ANK2: variants seen among roughly 807,000 people sequenced by gnomAD.
ANK2 encodes the protein ankyrin-2.
ANK2 carries 83 observed loss-of-function variants against 360.5 expected under a neutral mutation model. That is an observed-to-expected ratio of 0.23 (90% CI 0.19 to 0.28). ANK2 has a LOEUF of 0.28. Ranked by LOEUF, ANK2 falls within the 10% of genes least tolerant of loss-of-function variation. ANK2 has a pLI of 1.00. For synonymous variants in ANK2, 1,740 were observed against 1,759.5 expected (o/e 0.99, Z 0.28); for missense variants, 4,201 against 4,795.7 (o/e 0.88, Z 3.66).
At chr4:112,935,120 AGTGTGT>A (rs10601105) in intron 2 of ANK2, among the ~76,000 whole-genome samples, 1 of 148,856 alleles carries the variant, frequency 6.7e-6, no homozygotes, top group African/African-American at 2.5e-5. Flanking sequence ...AGTCAGAGAA[AGTGTGT>A]GTGTGTGTGT....
intron 45 of ANK2, 108 bp from the exon 46 acceptor site, chr4:113,381,349 A>T: frequency 8.2e-7 from 1 of 1,220,062 alleles, no homozygotes; most frequent in African/African-American, 1.5e-5. Context: ...CTGTGGAAAC[A>T]TCTAAAGGTA....
At chr4:112,948,657 A>G (rs1304471045) in intron 2 of ANK2, among the ~76,000 whole-genome samples, 1 of 152,198 alleles carries the variant, frequency 6.6e-6, no homozygotes, top group Non-Finnish European at 1.5e-5. Flanking sequence ...GTCATCTTAT[A>G]GCTTTTAAAT....
At chr4:113,225,258 T>C (rs1165959114) in intron 4 of ANK2, among the ~76,000 whole-genome samples, 1 of 152,174 alleles carries the variant, frequency 6.6e-6, no homozygotes, top group East Asian at 1.9e-4. Flanking sequence ...AGCAGCATTT[T>C]ATTCATGTTT....
In ANK2 at chr4:113,095,951, G is replaced by C. The variant is rs147837036; in HGVS notation, c.84+46139G>C. 6.9e-3 allele frequency among the ~76,000 whole-genome samples: 1,051 copies of C among 152,268 alleles called. 6 individuals are homozygous for C. The highest frequency in any genetic ancestry group is 0.024 in the African/African-American group (994 of 41,554). On this transcript the variant is annotated intron_variant, in intron 1 of 45. Transcript: ENST00000357077. ...TCCATGTCCCTCTGGTCTATCACCA[G>C]GCTCCACTGGGATACAAAGGTGCAT...
At position 112,925,663 on chromosome 4, in the gene ANK2, T is replaced by C. The variant is rs115402038; in HGVS notation, c.21+21149T>C. Among the ~76,000 whole-genome samples the C allele has an allele frequency of 5.2e-3, 798 of 152,346 alleles. 11 individuals are homozygous for C. Among genetic ancestry groups the C allele is most frequent in the Middle Eastern group, 0.01 (3 of 294 alleles). ...AAAATCAAAAGGTATAAGTATACTA[T>C]AAACATTTTCTGCCTACTTGAATGG... On this transcript the variant is annotated intron_variant, in intron 2 of 30. Transcript: ENST00000503271.
the ANK2 span, among the ~76,000 whole-genome samples, chr4:112,799,301 C>T: frequency 3.3e-5 from 5 of 152,080 alleles, no homozygotes; most frequent in African/African-American, 4.8e-5. Flanking sequence ...GACACCTGTT[C>T]GAGTGCCTGC....
chr4:113,236,752 A>C lies in ANK2; in HGVS notation c.484-235A>C, dbSNP rs111315818. ...ACATCCTGTATGTAATATGTTTGTTAAGGAATGCGGATGTTTTTCAAAATG... is the reference window on the plus strand; with the variant it reads ...ACATCCTGTATGTAATATGTTTGTTCAGGAATGCGGATGTTTTTCAAAATG... On this transcript the variant is annotated intron_variant, in intron 5 of 45. Transcript: ENST00000357077. Among the ~76,000 whole-genome samples, 64 of 152,336 alleles carry C rather than the reference A, an allele frequency of 4.2e-4. 1 individual carries two copies. The highest frequency in any genetic ancestry group is 1.5e-3 in the African/African-American group (63 of 41,586).
At chr4:112,986,040 AATATATAAAATT>A (rs1407003650) in intron 2 of ANK2, among the ~76,000 whole-genome samples, 15 of 147,612 alleles carry the variant, frequency 1.0e-4, no homozygotes, top group Non-Finnish European at 1.5e-4. Context: ...ATAAATATAA[AATATATAAAATT>A]ATATATAAAA....
the ANK2 span, among the ~76,000 whole-genome samples, chr4:112,738,295 C>T: frequency 6.6e-6 from 1 of 151,586 alleles, no homozygotes; most frequent in Non-Finnish European, 1.5e-5. Flanking sequence ...ACCTGCAATC[C>T]AAGCTACTCA....
At chr4:112,939,420 C>G (rs1348354592) in intron 2 of ANK2, among the ~76,000 whole-genome samples, 1 of 152,236 alleles carries the variant, frequency 6.6e-6, no homozygotes, top group East Asian at 1.9e-4. Context: ...AGCGATTCTC[C>G]TGTCTCAGCC....
At chr4:113,373,708 T>C (rs1359103642) in intron 45 of ANK2, 2 of 625,000 alleles carry the variant, frequency 3.2e-6, no homozygotes, top group South Asian at 1.5e-5. Flanking sequence ...TAATTCATGG[T>C]TGACCACTGC....
At chr4:113,037,268 T>A (rs2061813429) in intron 2 of ANK2, among the ~76,000 whole-genome samples, 1 of 151,950 alleles carries the variant, frequency 6.6e-6, no homozygotes, top group Admixed American at 6.6e-5. Flanking sequence ...TGTAAATCAA[T>A]GGACATAACT....
At chr4:113,192,973 G>A (rs2098694591) in intron 2 of ANK2, among the ~76,000 whole-genome samples, 1 of 147,534 alleles carries the variant, frequency 6.8e-6, no homozygotes, top group Non-Finnish European at 1.5e-5. Context: ...AGGGAGAAAA[G>A]ATCAGTGGCC....
intron 22 of ANK2, among the ~76,000 whole-genome samples, chr4:113,298,365 A>G (rs2073082532): frequency 6.6e-6 from 1 of 152,240 alleles, no homozygotes; most frequent in Non-Finnish European, 1.5e-5. Context: ...GGGCCTTAAA[A>G]GGTGGCATCA....
intron 1 of ANK2, among the ~76,000 whole-genome samples, chr4:113,096,524 C>A (rs1459305516): frequency 6.6e-6 from 1 of 152,112 alleles, no homozygotes; most frequent in East Asian, 1.9e-4. Flanking sequence ...AGCAGAATCA[C>A]AAAAAGTGGA....
chr4:113,252,050 A>G (rs2046741322), intron 10 of ANK2, among the ~76,000 whole-genome samples: 1 of 152,254 alleles, frequency 6.6e-6, no homozygotes, highest in African/African-American at 2.4e-5. Flanking sequence ...AAGAAGTTTA[A>G]TGGATTCACA....
rs112731826 is a variant in ANK2, at chr4:113,232,134, G to A, written c.385-27G>A. On this transcript the variant is annotated intron_variant, in intron 4 of 45. Coordinates refer to ENST00000357077, the MANE Select transcript of ANK2 (RefSeq NM_001148.6). ...TTCTCTCTTATACAAATGATTGAAG[G>A]TGTCTTTTTTTATTGCTTGTCCTCA... is the stretch of plus-strand genomic sequence containing the variant. 92 of 1,470,334 alleles carry A rather than the reference G, an allele frequency of 6.3e-5. No homozygotes were observed. In the African/African-American group the frequency reaches 1.1e-3, roughly 18 times the overall value. The allele number at this position is 1,470,334 out of a possible 1,614,324, so 91.1% of individuals were successfully genotyped here.
chr4:113,145,777 T>C lies in ANK2; in HGVS notation c.85-28639T>C, dbSNP rs1164637759. The C allele has an allele frequency of 3.3e-6, 4 of 1,229,082 alleles. No individual in the cohort carries two copies. In the East Asian group the frequency reaches 1.7e-4, roughly 53 times the overall value. The allele number at this position is 1,229,082 out of a possible 1,614,324, so 76.1% of individuals were successfully genotyped here. On this transcript the variant is annotated intron_variant, in intron 1 of 45. Coordinates refer to ENST00000357077, the MANE Select transcript of ANK2 (RefSeq NM_001148.6). ...GCAGAGGAGCCAAGGATCATCTTGA[T>C]GAATTGCCCACATTAGTGTACCCCT... is the stretch of plus-strand genomic sequence containing the variant.
At position 113,382,377 on chromosome 4, in the gene ANK2, G is replaced by A. The variant is rs41279313; in HGVS notation, c.*906G>A. ...AGGCCACGCAGAATGAACCGATGGG[G>A]TATTCAGTTGCTGGCAGCTACATTG... is the stretch of plus-strand genomic sequence containing the variant. On this transcript the variant is annotated 3_prime_UTR_variant, in exon 46 of 46. Coordinates refer to ENST00000357077, the MANE Select transcript of ANK2 (RefSeq NM_001148.6). 812 of 152,984 alleles carry A rather than the reference G, an allele frequency of 5.3e-3. 3 individuals carry two copies. Among genetic ancestry groups the A allele is most frequent in the Non-Finnish European group, 8.5e-3 (577 of 68,206 alleles). 9.5% of individuals were successfully genotyped at this position (152,984 alleles called of 1,614,324 possible). A position where few individuals can be genotyped will look rare whatever the true frequency, so the allele number is the denominator to read the frequency against.
Sources: gnomAD v4.1 joint callset for allele counts (sites outside exome capture counted in the v4.1 genomes callset) on GRCh38, gnomAD v4.1.1 for gene constraint, MANE v1.5 for transcripts, NCBI Gene and HGNC (gene_info 2026-07-23, HGNC 2026-07-21) for gene names.